Variants in AKT3 observed in about 807,000 individuals in gnomAD.
The protein encoded by AKT3 is AKT serine/threonine kinase 3, also known as RAC-gamma serine/threonine-protein kinase.
Under a neutral mutation model 65.3 loss-of-function variants are expected in AKT3, and 15 were observed. The ratio of observed to expected loss-of-function variants is 0.23; its 90% CI spans 0.15 to 0.35. The LOEUF (loss-of-function observed/expected upper bound fraction) is 0.35. Among genes scored for constraint, AKT3 ranks in the 10% least tolerant of loss-of-function variants. The pLI, the probability that AKT3 is intolerant of heterozygous loss-of-function variation, is 1.00. For missense variants in AKT3, 243 were observed against 576.5 expected, an observed-to-expected ratio of 0.42 and a Z score of 5.92; for synonymous variants, 206 against 183.8, an observed-to-expected ratio of 1.12 and a Z score of -0.98.
At chr1:243,586,781 T>A (rs1675844042) in intron 8 of AKT3, among the ~76,000 whole-genome samples, 2 of 152,084 alleles carry the variant, frequency 1.3e-5, no homozygotes. Context: ...CCATGCTCAG[T>A]ACCTGATCAT....
At chr1:243,493,092 T>G (rs551158787) in intron 13 of AKT3, among the ~76,000 whole-genome samples, 2 of 152,268 alleles carry the variant, frequency 1.3e-5, no homozygotes, top group African/African-American at 4.8e-5. Flanking sequence ...CCCCACACTC[T>G]GTATTCCGGG....
intron 8 of AKT3, among the ~76,000 whole-genome samples, chr1:243,597,200 T>C (rs1676680424): frequency 1.3e-5 from 2 of 152,210 alleles, no homozygotes; most frequent in Admixed American, 1.3e-4. Context: ...TGAGTTCATT[T>C]CATTATATGT....
intron 2 of AKT3, among the ~76,000 whole-genome samples, chr1:243,733,820 T>C (rs1687687834): frequency 6.6e-6 from 1 of 152,226 alleles, no homozygotes; most frequent in South Asian, 2.1e-4. Context: ...CAAGTGAGCA[T>C]ATGCTGTTGG....
chr1:243,818,857 G>A (rs538526481), intron 2 of AKT3, among the ~76,000 whole-genome samples: 6 of 152,138 alleles, frequency 3.9e-5, no homozygotes, highest in African/African-American at 7.2e-5. Context: ...GGCAGTTGGC[G>A]CGACCTATGG....
At chr1:243,657,234 C>G (rs1418342868) in intron 4 of AKT3, among the ~76,000 whole-genome samples, 1 of 152,038 alleles carries the variant, frequency 6.6e-6, no homozygotes, top group African/African-American at 2.4e-5. Flanking sequence ...TTCTATGAAC[C>G]GTGAAGAGGG....
At chr1:243,652,821 A>G (rs1481254366) in intron 4 of AKT3, among the ~76,000 whole-genome samples, 1 of 150,980 alleles carries the variant, frequency 6.6e-6, no homozygotes, top group Non-Finnish European at 1.5e-5. Context: ...AATCTCTGAT[A>G]AAACAGACTT....
At chr1:243,791,233 TAGGGGAAAATA>T (rs1358778660) in intron 2 of AKT3, among the ~76,000 whole-genome samples, 2 of 152,046 alleles carry the variant, frequency 1.3e-5, no homozygotes, top group Non-Finnish European at 2.9e-5. Flanking sequence ...CTGTATTGTT[TAGGGGAAAATA>T]AGGGGAAAAA....
At chr1:243,497,960 G>A (rs145414659), downstream of AKT3, among the ~76,000 whole-genome samples, 11 of 152,302 alleles carry the variant, frequency 7.2e-5, no homozygotes, top group Non-Finnish European at 1.6e-4. Flanking sequence ...GGGATTACAG[G>A]TGTGAGCCAC....
chr1:243,705,364 AG>A (rs1365794581), intron 2 of AKT3, among the ~76,000 whole-genome samples: 1 of 152,192 alleles, frequency 6.6e-6, no homozygotes, highest in Non-Finnish European at 1.5e-5. Flanking sequence ...TTGGTTTGTT[AG>A]TACTTTTATC....
chr1:243,581,501 T>C (rs1264233467), intron 8 of AKT3, among the ~76,000 whole-genome samples: 1 of 151,134 alleles, frequency 6.6e-6, no homozygotes, highest in African/African-American at 2.4e-5. Flanking sequence ...TACCCAGAAT[T>C]CTCTATAGTC....
chr1:243,701,875 TA>T (rs369742650), intron 2 of AKT3, among the ~76,000 whole-genome samples: 1 of 152,086 alleles, frequency 6.6e-6, no homozygotes, highest in African/African-American at 2.4e-5. Context: ...ATCATAAAGC[TA>T]AAACAAGTAT....
chr1:243,498,988 C>T (rs74153905), downstream of AKT3, among the ~76,000 whole-genome samples: 1,968 of 152,336 alleles, frequency 0.013, 42 homozygotes, highest in African/African-American at 0.045. Context: ...CCTTCCCACA[C>T]AGTGCACAGT....
At chr1:243,608,956 G>A (rs1311994845) in intron 8 of AKT3, among the ~76,000 whole-genome samples, 4 of 151,574 alleles carry the variant, frequency 2.6e-5, no homozygotes, top group South Asian at 2.1e-4. Context: ...GTTTCATCAC[G>A]TTGGCCAGGC....
intron 8 of AKT3, among the ~76,000 whole-genome samples, chr1:243,588,120 T>A (rs1052595905): frequency 2.0e-4 from 31 of 152,132 alleles, no homozygotes; most frequent in African/African-American, 7.2e-4. Context: ...GCTGAAAAGA[T>A]AAACATCAGA....
At chr1:243,837,543 C>T (rs1254099747) in intron 2 of AKT3, among the ~76,000 whole-genome samples, 1 of 152,060 alleles carries the variant, frequency 6.6e-6, no homozygotes, top group Non-Finnish European at 1.5e-5. Context: ...TCAGTAAGTC[C>T]AAATTGGTAA....
At position 243,773,809 on chromosome 1, in the gene AKT3, A is replaced by G. The variant is rs532780313; in HGVS notation, c.46+69316T>C. On this transcript the variant is annotated intron_variant, in intron 2 of 13. Transcript: ENST00000673466. ...TGTAAATTAAGGAGCAGACTCAAAA[A>G]GTTCTCTTCTCTATAAATATCTCCC... Among the ~76,000 whole-genome samples the G allele has an allele frequency of 3.2e-4, 49 of 152,306 alleles. 3 individuals are homozygous for G. The South Asian group carries it at 0.01, about 32-fold the overall frequency.
At chr1:243,795,771 G>A (rs1379656553) in intron 2 of AKT3, among the ~76,000 whole-genome samples, 1 of 152,048 alleles carries the variant, frequency 6.6e-6, no homozygotes, top group African/African-American at 2.4e-5. Flanking sequence ...GCGCCCGGCC[G>A]ATCTCCTTGT....
At chr1:243,519,126 A>G (rs1670549252) in intron 12 of AKT3, among the ~76,000 whole-genome samples, 1 of 152,238 alleles carries the variant, frequency 6.6e-6, no homozygotes, top group Non-Finnish European at 1.5e-5. Context: ...TCAATTTGCA[A>G]GGGAAAAAAT....
intron 2 of AKT3, among the ~76,000 whole-genome samples, chr1:243,730,720 G>A (rs1484560297): frequency 6.6e-6 from 1 of 152,210 alleles, no homozygotes; most frequent in Non-Finnish European, 1.5e-5. Flanking sequence ...CGCGGGTGGA[G>A]AGAATGAGAG....
Sources: gnomAD v4.1 joint callset for allele counts (sites outside exome capture counted in the v4.1 genomes callset) on GRCh38, gnomAD v4.1.1 for gene constraint, MANE v1.5 for transcripts, NCBI Gene and HGNC (gene_info 2026-07-23, HGNC 2026-07-21) for gene names.